DPF3: variants seen among roughly 807,000 people sequenced by gnomAD.
DPF3 encodes the protein double PHD fingers 3, also known as zinc finger protein DPF3.
A neutral mutation model predicts 56.8 loss-of-function variants in DPF3; 18 were observed. The observed-to-expected ratio is 0.32, with a 90% CI of 0.22 to 0.47. The LOEUF (loss-of-function observed/expected upper bound fraction) is 0.47. Ranked by LOEUF, DPF3 falls within the 20% of genes least tolerant of loss-of-function variation. The probability of loss-of-function intolerance (pLI) is 1.00; values close to 1 mark genes in which losing one functional copy is unlikely to be tolerated. For synonymous variants in DPF3, 188 were observed against 180.2 expected (o/e 1.04, Z -0.35); for missense variants, 403 against 488.8 (o/e 0.82, Z 1.65).
chr14:72,633,686 G>C (rs925123509), intron 8 of DPF3, among the ~76,000 whole-genome samples: 1 of 152,110 alleles, frequency 6.6e-6, no homozygotes, highest in Non-Finnish European at 1.5e-5. Flanking sequence ...ATAATAACAC[G>C]CTTCAGTCAT....
intron 3 of DPF3, among the ~76,000 whole-genome samples, chr14:72,732,144 C>G (rs1003811422): frequency 2.6e-5 from 4 of 152,174 alleles, no homozygotes; most frequent in Non-Finnish European, 5.9e-5. Flanking sequence ...ATGCCCACAC[C>G]CCCAGAGGAA....
intron 8 of DPF3, among the ~76,000 whole-genome samples, chr14:72,652,390 T>G (rs1343915624): frequency 6.6e-6 from 1 of 152,198 alleles, no homozygotes; most frequent in Admixed American, 6.5e-5. Flanking sequence ...CCTGGAGCAT[T>G]CGTTCCCCAA....
At chr14:72,889,472 G>A (rs1051744823) in intron 1 of DPF3, among the ~76,000 whole-genome samples, 6 of 152,276 alleles carry the variant, frequency 3.9e-5, no homozygotes, top group Admixed American at 1.3e-4. Context: ...CTAAAACAAT[G>A]TCCATAAAAG....
chr14:72,662,981 T>G, intron 8 of DPF3: 1 of 524,300 alleles, frequency 1.9e-6, no homozygotes, highest in Non-Finnish European at 2.4e-6. Context: ...CACCAACTAA[T>G]TGCCAAGTTA....
intron 1 of DPF3, among the ~76,000 whole-genome samples, chr14:72,838,700 T>A (rs895389848): frequency 6.6e-6 from 1 of 150,900 alleles, no homozygotes; most frequent in Non-Finnish European, 1.5e-5. Flanking sequence ...AAGGTTGCAG[T>A]GAGCTGAAAT....
At chr14:72,753,450 T>C in intron 2 of DPF3, 79 bp from the exon 3 acceptor site, 7 of 1,106,110 alleles carry the variant, frequency 6.3e-6, no homozygotes, top group Non-Finnish European at 8.8e-6. Flanking sequence ...AACCCCGTCA[T>C]TCACAAGGAG....
At chr14:72,621,882 T>A (rs905160049) in intron 9 of DPF3, among the ~76,000 whole-genome samples, 7 of 152,066 alleles carry the variant, frequency 4.6e-5, no homozygotes, top group African/African-American at 1.7e-4. Context: ...CAATGGGACA[T>A]GGGAGGAAGA....
intron 1 of DPF3, among the ~76,000 whole-genome samples, chr14:72,782,755 C>T (rs1281019097): frequency 6.6e-6 from 1 of 152,082 alleles, no homozygotes. Flanking sequence ...ATCACTTGAA[C>T]CTGGAAGACA....
At chr14:72,713,468 C>T (rs1257596185) in intron 6 of DPF3, among the ~76,000 whole-genome samples, 5 of 152,296 alleles carry the variant, frequency 3.3e-5, no homozygotes, top group South Asian at 2.1e-4. Flanking sequence ...CAGACCCTGG[C>T]GAGATGGGTG....
intron 1 of DPF3, among the ~76,000 whole-genome samples, chr14:72,820,924 G>A (rs1486423613): frequency 2.0e-5 from 3 of 151,996 alleles, no homozygotes; most frequent in Admixed American, 6.6e-5. Context: ...TTGAGACCAG[G>A]AGTTCAAGAC....
intron 1 of DPF3, among the ~76,000 whole-genome samples, chr14:72,869,901 G>C (rs988557408): frequency 6.6e-6 from 1 of 152,106 alleles, no homozygotes; most frequent in African/African-American, 2.4e-5. Flanking sequence ...GAGATGATGG[G>C]GGGTAGGGTG....
At chr14:72,743,752 C>G (rs73302115) in intron 3 of DPF3, among the ~76,000 whole-genome samples, 9,257 of 152,314 alleles carry the variant, frequency 0.061, 879 homozygotes, top group African/African-American at 0.21. Flanking sequence ...CTCCACTCCC[C>G]CTTCACAAGG....
chr14:72,821,619 T>G (rs1883548785), intron 1 of DPF3, among the ~76,000 whole-genome samples: 1 of 149,518 alleles, frequency 6.7e-6, no homozygotes, highest in African/African-American at 2.4e-5. Context: ...AGGAGTGAGA[T>G]GTGTAGATGA....
chr14:72,626,673 TA>T (rs1884849931), intron 9 of DPF3, among the ~76,000 whole-genome samples: 1 of 152,124 alleles, frequency 6.6e-6, no homozygotes, highest in Non-Finnish European at 1.5e-5. Flanking sequence ...ATGTTGCAGG[TA>T]TATCTTCAAG....
intron 8 of DPF3, among the ~76,000 whole-genome samples, chr14:72,652,606 C>G (rs941851869): frequency 6.6e-6 from 1 of 152,198 alleles, no homozygotes; most frequent in African/African-American, 2.4e-5. Flanking sequence ...AAAATCAACT[C>G]AGAGGACTGC....
intron 6 of DPF3, among the ~76,000 whole-genome samples, chr14:72,707,554 T>C (rs905074909): frequency 3.0e-4 from 46 of 152,210 alleles, no homozygotes; most frequent in African/African-American, 1.1e-3. Context: ...GAACACTATA[T>C]AGCCCTAAAA....
chr14:72,700,932 A>C (rs545205670), intron 6 of DPF3, among the ~76,000 whole-genome samples: 2 of 152,358 alleles, frequency 1.3e-5, no homozygotes, highest in South Asian at 4.1e-4. Context: ...AACAAAGAGA[A>C]TAAACCCCAA....
intron 8 of DPF3, among the ~76,000 whole-genome samples, chr14:72,630,954 C>T (rs958078216): frequency 3.9e-5 from 6 of 152,198 alleles, no homozygotes; most frequent in African/African-American, 9.7e-5. Flanking sequence ...TCCCCCATGG[C>T]GCCACCACCC....
At chr14:72,758,479 A>G (rs967488933) in intron 2 of DPF3, among the ~76,000 whole-genome samples, 3 of 152,230 alleles carry the variant, frequency 2.0e-5, no homozygotes, top group Non-Finnish European at 4.4e-5. Context: ...AAGGAACTGA[A>G]GGGTAAACAA....
Sources: allele counts gnomAD v4.1 joint callset (sites outside exome capture counted in the v4.1 genomes callset), GRCh38; gene constraint gnomAD v4.1.1; transcripts MANE v1.5; gene names NCBI Gene and HGNC (gene_info 2026-07-23, HGNC 2026-07-21).